SREK1IP1: variants seen among roughly 807,000 people sequenced by gnomAD.
SREK1IP1 encodes SREK1 interacting protein 1.
In SREK1IP1, 12 loss-of-function variants were observed where a neutral mutation model predicts 22.8. The observed-to-expected ratio is 0.53, with a 90% CI of 0.34 to 0.85. The LOEUF (loss-of-function observed/expected upper bound fraction) is 0.85. Ranked by LOEUF, SREK1IP1 falls within the 40% of genes least tolerant of loss-of-function variation. SREK1IP1 has a pLI of 0.02. For synonymous variants in SREK1IP1, 53 were observed against 52.7 expected, an observed-to-expected ratio of 1.01 and a Z score of -0.02; for missense variants, 147 against 171.8, an observed-to-expected ratio of 0.86 and a Z score of 0.81.
intron 3 of SREK1IP1, among the ~76,000 whole-genome samples, chr5:64,739,193 A>T (rs1742513861): frequency 6.6e-6 from 1 of 151,956 alleles, no homozygotes; most frequent in Non-Finnish European, 1.5e-5. Context: ...TCTTTCTGGG[A>T]CTCATTTGAG....
chr5:64,757,947 G>A (rs184061181), intron 1 of SREK1IP1, among the ~76,000 whole-genome samples: 193 of 130,748 alleles, frequency 1.5e-3, no homozygotes, highest in African/African-American at 5.5e-3. Flanking sequence ...TCAGCTCACT[G>A]CAAGCTTGGC....
At chr5:64,733,339 G>C (rs1345798418) in intron 3 of SREK1IP1, among the ~76,000 whole-genome samples, 1 of 151,944 alleles carries the variant, frequency 6.6e-6, no homozygotes, top group African/African-American at 2.4e-5. Context: ...CATGTATAAA[G>C]AACATACAAA....
At chr5:64,761,583 T>C (rs1048882749) in intron 1 of SREK1IP1, among the ~76,000 whole-genome samples, 1 of 152,234 alleles carries the variant, frequency 6.6e-6, no homozygotes, top group African/African-American at 2.4e-5. Context: ...AGTACTTGTG[T>C]ATCTAAACAT....
At position 64,723,473 on chromosome 5, in the gene SREK1IP1, A is replaced by C. The variant is rs79010607; in HGVS notation, c.*911T>G. The C allele has an allele frequency of 3.9e-3, 602 of 152,732 alleles. 9 individuals carry two copies. The highest frequency in any genetic ancestry group is 0.03 in the East Asian group (155 of 5,192). The allele number at this position is 152,732 out of a possible 1,614,324, so 9.5% of individuals were successfully genotyped here. A position where few individuals can be genotyped will look rare whatever the true frequency, so the allele number is the denominator to read the frequency against. On this transcript the variant is annotated 3_prime_UTR_variant, in exon 5 of 5. Transcript: ENST00000513458. The stretch of plus-strand genomic sequence containing the variant: ...TAAAATTTTCCACAGTACTCATAGA[A>C]ACAAGCTTCATAAAATTTATACTGA...
At chr5:64,729,053 G>T (rs6876454) in intron 3 of SREK1IP1, among the ~76,000 whole-genome samples, 10,154 of 152,164 alleles carry the variant, frequency 0.067, 1,103 homozygotes, top group African/African-American at 0.23. Flanking sequence ...TTAGCCAGGC[G>T]TGGCGGCAGG....
chr5:64,741,328 CT>C, intron 2 of SREK1IP1, 128 bp from the exon 3 acceptor site: 1 of 927,336 alleles, frequency 1.1e-6, no homozygotes, highest in Non-Finnish European at 1.6e-6. Flanking sequence ...AAAGCTTTAA[CT>C]TTTATTCAGT....
chr5:64,759,157 T>TG (rs1742902072), intron 1 of SREK1IP1, among the ~76,000 whole-genome samples: 1 of 152,206 alleles, frequency 6.6e-6, no homozygotes, highest in African/African-American at 2.4e-5. Context: ...ATGGGTTCCC[T>TG]GGGTCATTTC....
At chr5:64,727,553 A>ATATATATATATTTTT in intron 4 of SREK1IP1, 2 of 84,682 alleles carry the variant, frequency 2.4e-5, no homozygotes, top group African/African-American at 1.1e-4. Flanking sequence ...ATATATATAT[A>ATATATATATATTTTT]TTTTTTTTTT....
chr5:64,726,045 A>G (rs1447746843), intron 4 of SREK1IP1, among the ~76,000 whole-genome samples: 1 of 149,800 alleles, frequency 6.7e-6, no homozygotes, highest in African/African-American at 2.4e-5. Flanking sequence ...TTTTTTTTGT[A>G]TTTTTAGTAG....
chr5:64,732,871 A>G (rs900049007), intron 3 of SREK1IP1, among the ~76,000 whole-genome samples: 3 of 152,098 alleles, frequency 2.0e-5, no homozygotes, highest in South Asian at 2.1e-4. Flanking sequence ...AACAGCACAG[A>G]GAATCCAGAA....
At chr5:64,757,330 C>T (rs752808214) in intron 1 of SREK1IP1, among the ~76,000 whole-genome samples, 19 of 152,158 alleles carry the variant, frequency 1.2e-4, no homozygotes, top group Non-Finnish European at 2.6e-4. Flanking sequence ...CAGGAATTCA[C>T]GGTTACAGTG....
chr5:64,742,703 A>C (rs1003781907), intron 2 of SREK1IP1, among the ~76,000 whole-genome samples: 1 of 152,230 alleles, frequency 6.6e-6, no homozygotes, highest in Non-Finnish European at 1.5e-5. Flanking sequence ...CATAAAAAAT[A>C]GAAGTTCAAG....
At position 64,721,861 on chromosome 5, in the gene SREK1IP1, T is replaced by A. The variant is rs1742169152; in HGVS notation, c.*2523A>T. On this transcript the variant is annotated 3_prime_UTR_variant, in exon 5 of 5. Coordinates refer to ENST00000513458, the MANE Select transcript of SREK1IP1 (RefSeq NM_173829.4). The stretch of plus-strand genomic sequence containing the variant: ...TGCTTGAATTTTAAAATATTGATAA[T>A]TATATATATTAAACCTTGAAGTGAT... The A allele has an allele frequency of 6.6e-6, 1 of 152,144 alleles. No homozygotes were observed. Among genetic ancestry groups the A allele is most frequent in the Admixed American group, 6.5e-5 (1 of 15,274 alleles). 9.4% of individuals were successfully genotyped at this position (152,144 alleles called of 1,614,324 possible). A position where few individuals can be genotyped will look rare whatever the true frequency, so the allele number is the denominator to read the frequency against.
chr5:64,733,689 C>G (rs1432525257), intron 3 of SREK1IP1, among the ~76,000 whole-genome samples: 2 of 152,056 alleles, frequency 1.3e-5, no homozygotes, highest in African/African-American at 2.4e-5. Flanking sequence ...TTACGTTCAC[C>G]CAAATCCTGT....
At chr5:64,731,115 A>C (rs1465928622) in intron 3 of SREK1IP1, among the ~76,000 whole-genome samples, 1 of 152,130 alleles carries the variant, frequency 6.6e-6, no homozygotes, top group African/African-American at 2.4e-5. Flanking sequence ...TCCAGGGTGC[A>C]ATCATGGAAA....
At position 64,768,643 on chromosome 5, in the gene SREK1IP1, A is replaced by G. The variant is rs1436526808; in HGVS notation, c.-126T>C. On this transcript the variant is annotated 5_prime_UTR_variant, in exon 1 of 5. Coordinates refer to ENST00000513458, the MANE Select transcript of SREK1IP1 (RefSeq NM_173829.4). ...CCCCCAGCGCAGCAGCACCCTCGCT[A>G]CGGTCGGGAAGGGCCTGTACGCCTC... is the stretch of plus-strand genomic sequence containing the variant. The G allele has an allele frequency of 1.4e-6, 2 of 1,406,412 alleles. No individual in the cohort carries two copies. Among genetic ancestry groups the G allele is most frequent in the East Asian group, 4.6e-5 (2 of 43,120 alleles). 87.1% of individuals were successfully genotyped at this position (1,406,412 alleles called of 1,614,324 possible). A position where few individuals can be genotyped will look rare whatever the true frequency, so the allele number is the denominator to read the frequency against.
At chr5:64,740,014 T>G (rs1004333776) in intron 3 of SREK1IP1, among the ~76,000 whole-genome samples, 5 of 152,198 alleles carry the variant, frequency 3.3e-5, no homozygotes, top group African/African-American at 1.2e-4. Flanking sequence ...AGTTATATTT[T>G]ATTTCAGAGT....
intron 1 of SREK1IP1, among the ~76,000 whole-genome samples, chr5:64,764,137 TA>T (rs35794297): frequency 0.43 from 64,230 of 151,052 alleles, 15,855 homozygotes; most frequent in African/African-American, 0.68. Context: ...TGATGAGCTT[TA>T]AAAAAAAAAT....
At chr5:64,748,707 T>C (rs76489573) in intron 2 of SREK1IP1, among the ~76,000 whole-genome samples, 9,566 of 152,146 alleles carry the variant, frequency 0.063, 974 homozygotes, top group African/African-American at 0.22. Context: ...TTCATTTAAT[T>C]TACACAACTC....
Sources: allele counts gnomAD v4.1 joint callset (sites outside exome capture counted in the v4.1 genomes callset), GRCh38; gene constraint gnomAD v4.1.1; transcripts MANE v1.5; gene names NCBI Gene and HGNC (gene_info 2026-07-23, HGNC 2026-07-21).